ARHGAP11B: variants seen among roughly 807,000 people sequenced by gnomAD.
ARHGAP11B encodes the protein inactive Rho GTPase-activating protein 11B.
Under a neutral mutation model 27.6 loss-of-function variants are expected in ARHGAP11B, and 14 were observed. That is an observed-to-expected ratio of 0.51 (90% CI 0.34 to 0.79). The LOEUF (loss-of-function observed/expected upper bound fraction) is 0.79, where lower values mean the gene tolerates loss of function less well. Among genes scored for constraint, ARHGAP11B ranks in the 30% least tolerant of loss-of-function variants. The pLI is 0.02. For synonymous variants in ARHGAP11B, 82 were observed against 114.1 expected (o/e 0.72, Z 1.80); for missense variants, 245 against 320.1 (o/e 0.77, Z 1.79).
rs1012293042 is a variant in ARHGAP11B at position 30,627,046 on chromosome 15, C to T, written c.129+97C>T. The stretch of plus-strand genomic sequence containing the variant: ...GTGCTAAAATGTTCACTCTGTGTAT[C>T]AAAAAGAATGGTTAGGTGTGTAATT... On this transcript the variant is annotated intron_variant, in intron 1 of 10. Transcript: ENST00000428041. 22 of 1,539,716 alleles carry T rather than the reference C, an allele frequency of 1.4e-5. No individual in the cohort carries two copies. The Admixed American group carries it at 3.8e-4, about 27-fold the overall frequency.
chr15:30,630,676 T>C, intron 1 of ARHGAP11B, 27 bp from the exon 2 acceptor site: 1 of 1,565,744 alleles, frequency 6.4e-7, no homozygotes, highest in Non-Finnish European at 8.7e-7. Flanking sequence ...AATATTTGTG[T>C]TAGAGTAACT....
At chr15:30,629,607 A>T (rs2060231954) in intron 1 of ARHGAP11B, among the ~76,000 whole-genome samples, 1 of 152,062 alleles carries the variant, frequency 6.6e-6, no homozygotes, top group Non-Finnish European at 1.5e-5. Context: ...TTAAGCCCTT[A>T]CCATACTATA....
At chr15:30,637,560 C>T (rs1490568007) in intron 6 of ARHGAP11B, among the ~76,000 whole-genome samples, 3 of 151,956 alleles carry the variant, frequency 2.0e-5, no homozygotes, top group East Asian at 2.0e-4. Flanking sequence ...CAGTGAAACC[C>T]CGTCTCTACT....
At position 30,630,912 on chromosome 15, in the gene ARHGAP11B, G is replaced by A. The variant is rs866049827; in HGVS notation, c.200+139G>A. On this transcript the variant is annotated intron_variant, in intron 2 of 10. Transcript: ENST00000428041. ...CTGGGCAACATGGTGAGACCTTGTC[G>A]CAAAAGATAGAAAAATTAGCTTGGC... 7.2e-5 allele frequency: 105 copies of A among 1,450,558 alleles called. No individual in the cohort carries two copies. In the Middle Eastern group the frequency reaches 1.2e-3, roughly 17 times the overall value. 89.9% of individuals were successfully genotyped at this position (1,450,558 alleles called of 1,614,324 possible).
At chr15:30,648,059 A>C (rs1396743123) in intron 10 of ARHGAP11B, among the ~76,000 whole-genome samples, 1 of 151,964 alleles carries the variant, frequency 6.6e-6, no homozygotes, top group African/African-American at 2.4e-5. Context: ...TCTGACTCCC[A>C]AAGTGTTAGG....
At chr15:30,649,145 C>T (rs2060370711) in exon 11 of ARHGAP11B, 1 of 152,108 alleles carries the variant, frequency 6.6e-6, no homozygotes, top group African/African-American at 2.4e-5. Flanking sequence ...AAAATTCACA[C>T]ATACTATTTT....
intron 8 of ARHGAP11B, chr15:30,644,840 A>G: frequency 2.4e-6 from 2 of 824,634 alleles, no homozygotes; most frequent in Non-Finnish European, 4.0e-6. Flanking sequence ...TTCTTGGGTC[A>G]GTGTTATGTG....
rs190719737 is a variant in ARHGAP11B at position 30,633,246 on chromosome 15, G to A, written c.201-244G>A. 4.6e-3 allele frequency among the ~76,000 whole-genome samples: 704 copies of A among 151,904 alleles called. 3 individuals are homozygous for A. The highest frequency in any genetic ancestry group is 0.016 in the African/African-American group (667 of 41,442). ...CGCTCTGAAGGGAAGCAGAAATGAA[G>A]TAGGATTGAGAAAGATAAAATTTAG... On this transcript the variant is annotated intron_variant, in intron 2 of 10. Transcript: ENST00000428041.
rs1374445229 is a variant in ARHGAP11B, at chr15:30,626,670, G to A, written c.-151G>A. The stretch of plus-strand genomic sequence containing the variant: ...TGAGGATCAAGGAAAAGCCGTGGAA[G>A]TGGCCGGGGGTCGGGGCCGCAGAAG... On this transcript the variant is annotated 5_prime_UTR_variant, in exon 1 of 11. In the 5' UTR this introduces an upstream ATG that the reference lacks. Coordinates refer to ENST00000428041, the Ensembl canonical transcript of ARHGAP11B. The A allele has an allele frequency of 3.6e-6, 4 of 1,104,670 alleles. No homozygotes were observed. Among genetic ancestry groups the A allele is most frequent in the Non-Finnish European group, 5.1e-6 (4 of 785,616 alleles). 68.4% of individuals were successfully genotyped at this position (1,104,670 alleles called of 1,614,324 possible).
At chr15:30,627,921 G>T (rs536823640) in intron 1 of ARHGAP11B, among the ~76,000 whole-genome samples, 1 of 151,892 alleles carries the variant, frequency 6.6e-6, no homozygotes, top group Non-Finnish European at 1.5e-5. Context: ...TTTGTTGGTA[G>T]CAAATTAATG....
intron 7 of ARHGAP11B, among the ~76,000 whole-genome samples, chr15:30,639,971 A>AGAGT (rs371550239): frequency 2.1e-5 from 3 of 143,288 alleles, no homozygotes; most frequent in Non-Finnish European, 3.1e-5. Context: ...TTCAATATAG[A>AGAGT]GTGTGTGTGT....
chr15:30,635,256 T>A, intron 5 of ARHGAP11B, 68 bp downstream of exon 5: 1 of 1,574,730 alleles, frequency 6.4e-7, no homozygotes, highest in Non-Finnish European at 8.7e-7. Flanking sequence ...AAGATGTAGT[T>A]GCATTATTAA....
exon 1 of ARHGAP11B, chr15:30,626,745 T>C: frequency 6.6e-7 from 1 of 1,524,162 alleles, no homozygotes; most frequent in Non-Finnish European, 8.8e-7. Context: ...TTTGAGAGCG[T>C]TTGGAAATTG....
chr15:30,627,723 C>T (rs1249340665), intron 1 of ARHGAP11B, among the ~76,000 whole-genome samples: 1 of 151,920 alleles, frequency 6.6e-6, no homozygotes, highest in African/African-American at 2.4e-5. Context: ...GAATGTAAAG[C>T]ATTTTATTTT....
At chr15:30,631,596 G>A (rs2060245810) in intron 2 of ARHGAP11B, among the ~76,000 whole-genome samples, 1 of 151,994 alleles carries the variant, frequency 6.6e-6, no homozygotes, top group Non-Finnish European at 1.5e-5. Flanking sequence ...GACCCTAGGA[G>A]TTTGAGGCTG....
At chr15:30,646,655 C>T (rs1742472900) in intron 9 of ARHGAP11B, among the ~76,000 whole-genome samples, 2 of 143,348 alleles carry the variant, frequency 1.4e-5, no homozygotes, top group Admixed American at 7.0e-5. Flanking sequence ...AGCGAGACTC[C>T]GTCTCAAAAA....
intron 9 of ARHGAP11B, among the ~76,000 whole-genome samples, chr15:30,646,873 G>A (rs1280445457): frequency 6.6e-6 from 1 of 151,676 alleles, no homozygotes; most frequent in Admixed American, 6.6e-5. Context: ...CGAGGCTGAG[G>A]CAGGAGAATC....
chr15:30,639,877 C>T (rs2060304454), intron 7 of ARHGAP11B, among the ~76,000 whole-genome samples: 1 of 151,622 alleles, frequency 6.6e-6, no homozygotes, highest in East Asian at 1.9e-4. Context: ...TTAATAATAC[C>T]ACCCTTAGGA....
chr15:30,648,649 C>T (rs1014767566), exon 11 of ARHGAP11B: 2 of 151,970 alleles, frequency 1.3e-5, no homozygotes, highest in Non-Finnish European at 2.9e-5. Flanking sequence ...GTGGGTATTT[C>T]ACTTACAATG....
Sources: allele counts gnomAD v4.1 joint callset (sites outside exome capture counted in the v4.1 genomes callset), GRCh38; gene constraint gnomAD v4.1.1; transcripts MANE v1.5; gene names NCBI Gene and HGNC (gene_info 2026-07-23, HGNC 2026-07-21).